The following PPP4R1 variants were observed in gnomAD, a reference collection of about 807,000 sequenced individuals.
The protein encoded by PPP4R1 is protein phosphatase 4 regulatory subunit 1.
PPP4R1 carries 42 observed loss-of-function variants against 111.2 expected under a neutral mutation model. That is an observed-to-expected ratio of 0.38 (90% CI 0.29 to 0.49). The LOEUF (loss-of-function observed/expected upper bound fraction) is 0.49, where lower values mean the gene tolerates loss of function less well. Among genes scored for constraint, PPP4R1 ranks in the 20% least tolerant of loss-of-function variants. PPP4R1 has a pLI of 0.97. For missense variants in PPP4R1, 1,012 were observed against 1,161.6 expected, an observed-to-expected ratio of 0.87 and a Z score of 1.87; for synonymous variants, 409 against 405.5, an observed-to-expected ratio of 1.01 and a Z score of -0.10.
intron 2 of PPP4R1, among the ~76,000 whole-genome samples, chr18:9,604,045 T>A (rs1348950822): frequency 1.3e-5 from 2 of 152,190 alleles, no homozygotes; most frequent in African/African-American, 2.4e-5. Flanking sequence ...TAGTATTTAG[T>A]CCATTTTAAA....
Position 9,583,113 on chromosome 18 carries a change from C to T in PPP4R1, c.918+4G>A, listed in dbSNP as rs763897275. The T allele has an allele frequency of 1.2e-6, 2 of 1,601,556 alleles. No individual in the cohort carries two copies. The highest frequency in any genetic ancestry group is 2.2e-5 in the South Asian group (2 of 89,418). ...TTTTACAAAAGTGATAATCAAAACC[C>T]TACCCAACGTGAAGGATCACTGATC... On this transcript the variant is annotated splice_donor_region_variant and intron_variant, in intron 9 of 19. Coordinates refer to ENST00000400556, the MANE Select transcript of PPP4R1 (RefSeq NM_001042388.3).
In PPP4R1 at chr18:9,614,071, G is replaced by C. The variant is rs906231326; in HGVS notation, c.52+155C>G. On this transcript the variant is annotated intron_variant, in intron 2 of 19. Coordinates refer to ENST00000400556, the MANE Select transcript of PPP4R1 (RefSeq NM_001042388.3). The surrounding 1 kb of genome is among the most constrained non-coding windows in gnomAD (Gnocchi z 4.1). The stretch of plus-strand genomic sequence containing the variant: ...GCGCGCCGTTTCCTCACGGACGCGA[G>C]ATTTTCCCCCCCGATCGCCACCCCA... 7.1e-6 allele frequency: 4 copies of C among 559,852 alleles called. No individual in the cohort carries two copies. Among genetic ancestry groups the C allele is most frequent in the Non-Finnish European group, 1.0e-5 (4 of 395,996 alleles). 34.7% of individuals were successfully genotyped at this position (559,852 alleles called of 1,614,324 possible).
intron 14 of PPP4R1, among the ~76,000 whole-genome samples, 154 bp from the exon 15 acceptor site, chr18:9,557,536 G>GC (rs1479597885): frequency 1.3e-5 from 2 of 152,174 alleles, no homozygotes; most frequent in East Asian, 3.9e-4. Flanking sequence ...CCTAAATTAT[G>GC]CATCGAAAAG....
At chr18:9,564,729 TGTGTGTGTGGGG>T (rs760595110) in intron 11 of PPP4R1, among the ~76,000 whole-genome samples, 596 of 57,810 alleles carry the variant, frequency 0.01, 1 homozygote, top group South Asian at 0.024. Flanking sequence ...TGTGTGTGTG[TGTGTGTGTGGGG>T]GTATCATCCC....
chr18:9,595,044 A>G lies in PPP4R1; in HGVS notation c.162T>C (p.Tyr54=). 1 of 1,614,050 alleles carries G rather than the reference A, an allele frequency of 6.2e-7. No individual in the cohort carries two copies. The highest frequency in any genetic ancestry group is 8.5e-7 in the Non-Finnish European group (1 of 1,179,966). Residue 54 remains tyrosine, a synonymous_variant, in exon 3 of 20, where the codon TAT becomes TAC. Transcript: ENST00000400556. ...MLTPLGRLDK[Y]AASENIFNRQ... Reference sequence around the variant, plus strand: ...TGTTAAATATGTTCTCACTTGCAGCATACTTGTCCAATCTCCCCAGGGGCG... The same window carrying G: ...TGTTAAATATGTTCTCACTTGCAGCGTACTTGTCCAATCTCCCCAGGGGCG...
Position 9,614,445 on chromosome 18 carries a change from C to T in PPP4R1, c.7+33G>A. On this transcript the variant is annotated intron_variant, in intron 1 of 19. Coordinates refer to ENST00000400556, the MANE Select transcript of PPP4R1 (RefSeq NM_001042388.3). The surrounding 1 kb of genome is among the most constrained non-coding windows in gnomAD (Gnocchi z 4.1). The stretch of plus-strand genomic sequence containing the variant: ...GCGGAGGGCGGGTGGGCTCGAGGAG[C>T]CGCCGCCGCCCGGAGAACAGGGGGC... The T allele has an allele frequency of 2.0e-6, 2 of 1,020,038 alleles. No individual in the cohort carries two copies. Among genetic ancestry groups the T allele is most frequent in the Non-Finnish European group, 2.3e-6 (2 of 854,270 alleles). 63.2% of individuals were successfully genotyped at this position (1,020,038 alleles called of 1,614,324 possible). A position where few individuals can be genotyped will look rare whatever the true frequency, so the allele number is the denominator to read the frequency against.
intron 2 of PPP4R1, among the ~76,000 whole-genome samples, chr18:9,602,987 T>C (rs1337871315): frequency 6.6e-6 from 1 of 152,222 alleles, no homozygotes; most frequent in Non-Finnish European, 1.5e-5. Context: ...ACAGTGATAA[T>C]GTCTGCAAAT....
chr18:9,602,558 A>T (rs944374397), intron 2 of PPP4R1, among the ~76,000 whole-genome samples: 2 of 145,808 alleles, frequency 1.4e-5, no homozygotes, highest in Middle Eastern at 3.7e-3. Flanking sequence ...AAAAAAAAAA[A>T]AAACTTGCAC....
Position 9,614,428 on chromosome 18 carries a change from C to T in PPP4R1, c.7+50G>A. 4.9e-6 allele frequency: 5 copies of T among 1,011,090 alleles called. No homozygotes were observed. Among genetic ancestry groups the T allele is most frequent in the Non-Finnish European group, 4.7e-6 (4 of 848,836 alleles). The allele number at this position is 1,011,090 out of a possible 1,614,324, so 62.6% of individuals were successfully genotyped here. Reference sequence around the variant, plus strand: ...AGCCACTCAGGGCTGCGGCGGAGGGCGGGTGGGCTCGAGGAGCCGCCGCCG... The same window carrying T: ...AGCCACTCAGGGCTGCGGCGGAGGGTGGGTGGGCTCGAGGAGCCGCCGCCG... On this transcript the variant is annotated intron_variant, in intron 1 of 19. Coordinates refer to ENST00000400556, the MANE Select transcript of PPP4R1 (RefSeq NM_001042388.3). The surrounding 1 kb of genome is among the most constrained non-coding windows in gnomAD (Gnocchi z 4.1).
At chr18:9,569,031 CAAA>C (rs754830465) in intron 11 of PPP4R1, among the ~76,000 whole-genome samples, 5 of 129,048 alleles carry the variant, frequency 3.9e-5, no homozygotes, top group Non-Finnish European at 6.8e-5. Flanking sequence ...GAGACTGTCT[CAAA>C]AAAAAAAAAA....
At chr18:9,607,590 A>G (rs1295137285) in intron 2 of PPP4R1, among the ~76,000 whole-genome samples, 2 of 152,144 alleles carry the variant, frequency 1.3e-5, no homozygotes, top group African/African-American at 2.4e-5. Flanking sequence ...AAAGAGTAAC[A>G]TAATTAGCCA....
intron 10 of PPP4R1, among the ~76,000 whole-genome samples, chr18:9,573,628 C>T (rs1053710807): frequency 2.6e-5 from 4 of 152,124 alleles, no homozygotes; most frequent in South Asian, 2.1e-4. Flanking sequence ...GACAGGGTCT[C>T]GCTCTGTAGC....
intron 5 of PPP4R1, 35 bp downstream of exon 5, chr18:9,588,676 A>C: frequency 6.5e-7 from 1 of 1,547,354 alleles, no homozygotes; most frequent in Non-Finnish European, 8.8e-7. Context: ...ACACTACGTA[A>C]ATTTCTTTTA....
chr18:9,570,758 T>C, intron 10 of PPP4R1, 75 bp from the exon 11 acceptor site: 2 of 1,423,426 alleles, frequency 1.4e-6, no homozygotes, highest in Non-Finnish European at 1.9e-6. Flanking sequence ...TGAAAGATAT[T>C]ACATATAGCA....
At chr18:9,570,706 G>A (rs2066848855) in intron 10 of PPP4R1, 23 bp from the exon 11 acceptor site, 5 of 1,488,340 alleles carry the variant, frequency 3.4e-6, no homozygotes, top group South Asian at 2.8e-5. Flanking sequence ...TATTTGGTGG[G>A]AAAAAAACAA....
At position 9,563,859 on chromosome 18, in the gene PPP4R1, C is replaced by CA. The variant is rs535190828; in HGVS notation, c.1574-310dup. 1,108 of 196,924 alleles carry CA rather than the reference C, an allele frequency of 5.6e-3. 8 individuals are homozygous for CA. The highest frequency in any genetic ancestry group is 8.5e-3 in the Non-Finnish European group (834 of 97,656). The allele number at this position is 196,924 out of a possible 1,614,324, so 12.2% of individuals were successfully genotyped here. ...CCGGCTTATTAAAAGGAGTCAATTTCAGTAAACGTTAACTATGTTTTGGTA... is the reference window on the plus strand; with the variant it reads ...CCGGCTTATTAAAAGGAGTCAATTTCAAGTAAACGTTAACTATGTTTTGGTA... On this transcript the variant is annotated intron_variant, in intron 11 of 19. Coordinates refer to ENST00000400556, the MANE Select transcript of PPP4R1 (RefSeq NM_001042388.3).
At chr18:9,605,212 C>T (rs561742306) in intron 2 of PPP4R1, among the ~76,000 whole-genome samples, 2 of 152,208 alleles carry the variant, frequency 1.3e-5, no homozygotes, top group African/African-American at 4.8e-5. Flanking sequence ...GAATGAGTTA[C>T]CTTATAAAGA....
intron 2 of PPP4R1, among the ~76,000 whole-genome samples, chr18:9,608,031 G>A (rs893521851): frequency 2.8e-5 from 4 of 143,882 alleles, no homozygotes; most frequent in African/African-American, 7.7e-5. Flanking sequence ...TGATCCACCC[G>A]CCTCGTTCTC....
chr18:9,583,043 T>A, intron 9 of PPP4R1, 74 bp downstream of exon 9: 3 of 1,294,780 alleles, frequency 2.3e-6, no homozygotes, highest in Non-Finnish European at 3.1e-6. Flanking sequence ...TTATTTCTTA[T>A]GAGGTCAAAA....
Sources: allele counts gnomAD v4.1 joint callset (sites outside exome capture counted in the v4.1 genomes callset), GRCh38; gene constraint gnomAD v4.1.1; non-coding constraint Gnocchi (gnomAD v3.1); transcripts MANE v1.5; gene names NCBI Gene and HGNC (gene_info 2026-07-23, HGNC 2026-07-21).